Variants in C5orf47 observed in about 807,000 individuals in gnomAD.
C5orf47 encodes the protein uncharacterized protein C5orf47.
A neutral mutation model predicts 20.6 loss-of-function variants in C5orf47; 20 were observed. The observed-to-expected ratio is 0.97, with a 90% CI of 0.68 to 1.41. C5orf47 has a LOEUF of 1.41. C5orf47 is among the 40% of genes most tolerant of loss of function. C5orf47 has a pLI of 0.00. For missense variants in C5orf47, 262 were observed against 238.4 expected (o/e 1.10, Z -0.65); for synonymous variants, 106 against 97.3 (o/e 1.09, Z -0.53).
chr5:173,998,357 T>A (rs1356064875), intron 2 of C5orf47, 119 bp downstream of exon 2: 1 of 576,656 alleles, frequency 1.7e-6, no homozygotes, highest in Non-Finnish European at 3.0e-6. Flanking sequence ...TAATTTAATT[T>A]TCTGAAATGA....
chr5:173,993,566 C>T (rs1020894670), intron 1 of C5orf47, among the ~76,000 whole-genome samples: 4 of 152,172 alleles, frequency 2.6e-5, no homozygotes, highest in Non-Finnish European at 5.9e-5. Context: ...ATGGCTTGAA[C>T]CCAGGAGGCG....
intron 3 of C5orf47, 146 bp from the exon 4 acceptor site, chr5:174,001,050 A>G (rs1427229759): frequency 1.6e-6 from 1 of 634,634 alleles, no homozygotes; most frequent in Non-Finnish European, 2.8e-6. Flanking sequence ...TTACAGTGTT[A>G]AACTACATTA....
At chr5:174,008,035 A>T (rs917795633), downstream of C5orf47, among the ~76,000 whole-genome samples, 4 of 152,240 alleles carry the variant, frequency 2.6e-5, no homozygotes, top group Admixed American at 6.5e-5. Context: ...AGGGTGGAAG[A>T]TAAATGCTAC....
chr5:174,009,173 T>C (rs764938859), downstream of C5orf47, among the ~76,000 whole-genome samples: 4 of 152,066 alleles, frequency 2.6e-5, no homozygotes, highest in Non-Finnish European at 2.9e-5. Context: ...ATTGCACCAC[T>C]GTACTCCAGC....
At chr5:173,999,646 A>G (rs961777749) in intron 2 of C5orf47, 54 bp from the exon 3 acceptor site, 3 of 846,626 alleles carry the variant, frequency 3.5e-6, no homozygotes, top group Non-Finnish European at 5.4e-6. Flanking sequence ...CCTCCATGAA[A>G]ATATATTCCT....
At chr5:174,003,814 G>A (rs950794469) in intron 4 of C5orf47, among the ~76,000 whole-genome samples, 29 of 152,272 alleles carry the variant, frequency 1.9e-4, no homozygotes, top group African/African-American at 6.5e-4. Context: ...GTTCAAAGGA[G>A]GGCAGAGACC....
intron 4 of C5orf47, among the ~76,000 whole-genome samples, chr5:174,002,130 A>G (rs1759210395): frequency 6.6e-6 from 1 of 151,172 alleles, no homozygotes; most frequent in South Asian, 2.1e-4. Context: ...GGCTAGTTAA[A>G]TTTTTGTTTT....
At chr5:174,003,596 G>T (rs1463167130) in intron 4 of C5orf47, among the ~76,000 whole-genome samples, 1 of 152,186 alleles carries the variant, frequency 6.6e-6, no homozygotes, top group Non-Finnish European at 1.5e-5. Context: ...GTCATATGTA[G>T]TTCTAACAGT....
chr5:173,989,662 C>T (rs1758948706), intron 1 of C5orf47, 74 bp downstream of exon 1: 2 of 1,255,824 alleles, frequency 1.6e-6, no homozygotes, highest in African/African-American at 1.6e-5. Context: ...CTGCTGGGCG[C>T]CATCTTGCGG....
At chr5:173,996,119 T>G (rs142951291) in intron 1 of C5orf47, among the ~76,000 whole-genome samples, 120 of 152,218 alleles carry the variant, frequency 7.9e-4, no homozygotes, top group Non-Finnish European at 1.2e-3. Flanking sequence ...GGCTTTATGA[T>G]AGTGGAAGCT....
At chr5:173,993,559 G>A (rs1429325271) in intron 1 of C5orf47, among the ~76,000 whole-genome samples, 2 of 152,144 alleles carry the variant, frequency 1.3e-5, no homozygotes, top group Admixed American at 6.5e-5. Context: ...CAGGAGAATG[G>A]CTTGAACCCA....
At chr5:174,002,844 T>A (rs1206428266) in intron 4 of C5orf47, among the ~76,000 whole-genome samples, 1 of 152,218 alleles carries the variant, frequency 6.6e-6, no homozygotes, top group Non-Finnish European at 1.5e-5. Flanking sequence ...CTGTTTGGTC[T>A]TCCTTAATCT....
intron 1 of C5orf47, among the ~76,000 whole-genome samples, chr5:173,995,972 C>G (rs560456382): frequency 1.3e-5 from 2 of 152,132 alleles, no homozygotes; most frequent in African/African-American, 4.8e-5. Flanking sequence ...ATAAATCAGG[C>G]CAGTTCCCTG....
chr5:174,005,839 A>G lies in C5orf47; in HGVS notation c.*1585A>G, dbSNP rs531266985. 2 of 152,478 alleles carry G rather than the reference A, an allele frequency of 1.3e-5. No homozygotes were observed. Among genetic ancestry groups the G allele is most frequent in the South Asian group, 4.1e-4 (2 of 4,830 alleles). 9.4% of individuals were successfully genotyped at this position (152,478 alleles called of 1,614,324 possible). A position where few individuals can be genotyped will look rare whatever the true frequency, so the allele number is the denominator to read the frequency against. On this transcript the variant is annotated 3_prime_UTR_variant, in exon 5 of 5. Transcript: ENST00000340147. The stretch of plus-strand genomic sequence containing the variant: ...GTATATCAATATTTGTTAGATTTAA[A>G]ATAAGAGTCTAATGCTGGATACAAA...
chr5:173,994,209 A>G (rs970503555), intron 1 of C5orf47, among the ~76,000 whole-genome samples: 4 of 152,180 alleles, frequency 2.6e-5, no homozygotes, highest in African/African-American at 9.6e-5. Flanking sequence ...CTGTTGACCA[A>G]TGCTGGCTGC....
chr5:173,990,524 C>A (rs948478588), intron 1 of C5orf47, among the ~76,000 whole-genome samples: 15 of 152,022 alleles, frequency 9.9e-5, no homozygotes, highest in African/African-American at 3.6e-4. Flanking sequence ...AACCTACGCT[C>A]CCCTGGTTCA....
Position 173,998,547 on chromosome 5 carries a change from A to T in C5orf47, c.411+309A>T, listed in dbSNP as rs186034586. Among the ~76,000 whole-genome samples the T allele has an allele frequency of 1.2e-3, 179 of 152,360 alleles. 1 individual carries two copies. The highest frequency in any genetic ancestry group is 3.9e-3 in the African/African-American group (164 of 41,586). ...TCCACAGAATATAATAAACTGTGAT[A>T]GATAATGTAGTATAAGAAGAAAAAT... is the stretch of plus-strand genomic sequence containing the variant. On this transcript the variant is annotated intron_variant, in intron 2 of 4. Transcript: ENST00000340147.
At chr5:173,999,927 G>T in intron 3 of C5orf47, 128 bp downstream of exon 3, 1 of 545,048 alleles carries the variant, frequency 1.8e-6, no homozygotes, top group Non-Finnish European at 3.3e-6. Flanking sequence ...TAGAAATGAG[G>T]CTACCATATT....
downstream of C5orf47, among the ~76,000 whole-genome samples, chr5:174,006,910 C>T (rs1759300964): frequency 6.6e-6 from 1 of 152,188 alleles, no homozygotes; most frequent in African/African-American, 2.4e-5. Flanking sequence ...TGAAGCCATT[C>T]TTCCCAACAA....
Sources: allele counts gnomAD v4.1 joint callset (sites outside exome capture counted in the v4.1 genomes callset), GRCh38; gene constraint gnomAD v4.1.1; transcripts MANE v1.5; gene names NCBI Gene and HGNC (gene_info 2026-07-23, HGNC 2026-07-21).